The following RAB3C variants were observed in gnomAD, a reference collection of about 807,000 sequenced individuals.
RAB3C encodes ras-related protein Rab-3C.
RAB3C carries 17 observed loss-of-function variants against 26.4 expected under a neutral mutation model. The ratio of observed to expected loss-of-function variants is 0.64; its 90% CI spans 0.44 to 0.97. The LOEUF is 0.97. Among genes scored for constraint, RAB3C ranks in the 50% least tolerant of loss-of-function variants. The pLI is 0.00. For synonymous variants in RAB3C, 91 were observed against 95.9 expected (o/e 0.95, Z 0.30); for missense variants, 242 against 281.9 (o/e 0.86, Z 1.01).
intron 1 of RAB3C, among the ~76,000 whole-genome samples, chr5:58,599,510 G>A (rs1368442917): frequency 1.3e-5 from 2 of 152,042 alleles, no homozygotes; most frequent in Non-Finnish European, 2.9e-5. Context: ...CTCTCTCTGT[G>A]TTCTGGGGTT....
intron 2 of RAB3C, among the ~76,000 whole-genome samples, chr5:58,684,559 T>C (rs192016193): frequency 6.6e-6 from 1 of 152,220 alleles, no homozygotes; most frequent in African/African-American, 2.4e-5. Context: ...TGAACATTCT[T>C]ACCTGACCCC....
chr5:58,730,203 C>G (rs1483451215), intron 3 of RAB3C, among the ~76,000 whole-genome samples: 1 of 151,116 alleles, frequency 6.6e-6, no homozygotes, highest in African/African-American at 2.4e-5. Flanking sequence ...GAAAGACTAT[C>G]TTATTTATCT....
chr5:58,700,076 G>T lies in RAB3C; in HGVS notation c.253-25926G>T, dbSNP rs1445053792. ...ATGCTGGGAGCTGCAGACCAGAGCT[G>T]TTCCTATTCAGTTATCTTGGAACGC... On this transcript the variant is annotated intron_variant, in intron 2 of 4. Transcript: ENST00000282878. Among the ~76,000 whole-genome samples the T allele has an allele frequency of 2.6e-5, 4 of 152,264 alleles. No individual in the cohort carries two copies. In the East Asian group the frequency reaches 7.7e-4, roughly 29 times the overall value.
At chr5:58,785,585 C>G (rs573216136) in intron 3 of RAB3C, among the ~76,000 whole-genome samples, 1 of 152,326 alleles carries the variant, frequency 6.6e-6, no homozygotes, top group African/African-American at 2.4e-5. Flanking sequence ...ACTCACATTT[C>G]TAACAAGATC....
intron 3 of RAB3C, among the ~76,000 whole-genome samples, chr5:58,730,281 G>GT (rs1740987166): frequency 6.6e-6 from 1 of 151,652 alleles, no homozygotes; most frequent in Admixed American, 6.6e-5. Context: ...AATTTCAAAA[G>GT]TAAAAAAAAT....
intron 3 of RAB3C, among the ~76,000 whole-genome samples, chr5:58,761,511 G>C (rs1741797122): frequency 6.6e-6 from 1 of 152,126 alleles, no homozygotes; most frequent in Non-Finnish European, 1.5e-5. Flanking sequence ...GTAAGAATTT[G>C]AACTGTTTCC....
chr5:58,817,382 T>C (rs1430576561), intron 3 of RAB3C, among the ~76,000 whole-genome samples: 1 of 152,160 alleles, frequency 6.6e-6, no homozygotes, highest in Non-Finnish European at 1.5e-5. Context: ...AATTTTTCCT[T>C]TTTTAATGTG....
At chr5:58,682,666 A>G (rs1690014309) in intron 2 of RAB3C, among the ~76,000 whole-genome samples, 1 of 151,612 alleles carries the variant, frequency 6.6e-6, no homozygotes, top group Non-Finnish European at 1.5e-5. Flanking sequence ...CCTGGGCAAC[A>G]GAGTGAGACT....
intron 2 of RAB3C, among the ~76,000 whole-genome samples, chr5:58,706,264 C>A (rs1028208456): frequency 5.3e-5 from 8 of 151,998 alleles, no homozygotes; most frequent in Admixed American, 2.0e-4. Context: ...ACAGTAGCAT[C>A]GGAAGTCAGA....
intron 3 of RAB3C, among the ~76,000 whole-genome samples, chr5:58,735,798 T>C (rs1221176667): frequency 6.6e-6 from 1 of 152,176 alleles, no homozygotes; most frequent in Non-Finnish European, 1.5e-5. Flanking sequence ...CCCTTGTGTG[T>C]CAGCACCTAA....
At chr5:58,841,343 C>T (rs933792533) in intron 4 of RAB3C, among the ~76,000 whole-genome samples, 1 of 152,280 alleles carries the variant, frequency 6.6e-6, no homozygotes, top group South Asian at 2.1e-4. Flanking sequence ...TGTGCAGGAC[C>T]AGAGTCATAG....
intron 2 of RAB3C, among the ~76,000 whole-genome samples, chr5:58,637,398 C>T (rs575049201): frequency 3.3e-5 from 5 of 152,050 alleles, no homozygotes; most frequent in Non-Finnish European, 5.9e-5. Flanking sequence ...ATTCATTATC[C>T]GGATATATTC....
chr5:58,587,998 G>A (rs1340271166), intron 1 of RAB3C, among the ~76,000 whole-genome samples: 2 of 152,106 alleles, frequency 1.3e-5, no homozygotes, highest in African/African-American at 2.4e-5. Flanking sequence ...AGCATAATGT[G>A]TATGAGATTC....
At chr5:58,802,937 T>C (rs1043744748) in intron 3 of RAB3C, among the ~76,000 whole-genome samples, 1 of 152,202 alleles carries the variant, frequency 6.6e-6, no homozygotes, top group African/African-American at 2.4e-5. Context: ...ATCATCTGCA[T>C]GGCGAAAGCT....
At chr5:58,598,853 GAGAA>G (rs1294222340) in intron 1 of RAB3C, among the ~76,000 whole-genome samples, 1 of 152,102 alleles carries the variant, frequency 6.6e-6, no homozygotes, top group Non-Finnish European at 1.5e-5. Flanking sequence ...TAGGTAATAA[GAGAA>G]AGCATATTCT....
At chr5:58,636,850 G>A (rs17345049) in intron 2 of RAB3C, among the ~76,000 whole-genome samples, 1,878 of 152,256 alleles carry the variant, frequency 0.012, 12 homozygotes, top group Non-Finnish European at 0.017. Flanking sequence ...TGATGTCAAG[G>A]CCTTTCATAT....
intron 1 of RAB3C, among the ~76,000 whole-genome samples, chr5:58,612,532 A>ATGTATATATATATG (rs1250393146): frequency 2.3e-5 from 2 of 87,204 alleles, no homozygotes; most frequent in African/African-American, 8.6e-5. Context: ...ATATATATAT[A>ATGTATATATATATG]TATATATATA....
intron 3 of RAB3C, among the ~76,000 whole-genome samples, chr5:58,800,991 T>C (rs1296984013): frequency 6.6e-6 from 1 of 152,184 alleles, no homozygotes; most frequent in African/African-American, 2.4e-5. Context: ...TCATTTGCCT[T>C]TGGGTACATT....
intron 2 of RAB3C, among the ~76,000 whole-genome samples, chr5:58,723,043 A>G (rs1403711828): frequency 6.6e-6 from 1 of 151,774 alleles, no homozygotes; most frequent in Non-Finnish European, 1.5e-5. Context: ...TAACTTTTTT[A>G]GTGATTTCTT....
Sources: allele counts gnomAD v4.1 joint callset (sites outside exome capture counted in the v4.1 genomes callset), GRCh38; gene constraint gnomAD v4.1.1; transcripts MANE v1.5; gene names NCBI Gene and HGNC (gene_info 2026-07-23, HGNC 2026-07-21).